Variants in RAB11FIP5 observed in about 807,000 individuals in gnomAD.
The protein encoded by RAB11FIP5 is RAB11 family interacting protein 5.
A neutral mutation model predicts 85.1 loss-of-function variants in RAB11FIP5; 48 were observed. That is an observed-to-expected ratio of 0.56 (90% CI 0.45 to 0.72). The LOEUF (loss-of-function observed/expected upper bound fraction) is 0.72, where lower values mean the gene tolerates loss of function less well. Among genes scored for constraint, RAB11FIP5 ranks in the 30% least tolerant of loss-of-function variants. The pLI is 0.00. For synonymous variants in RAB11FIP5, 729 were observed against 727.3 expected, an observed-to-expected ratio of 1.00 and a Z score of -0.04; for missense variants, 1,491 against 1,687.0, an observed-to-expected ratio of 0.88 and a Z score of 2.04.
At position 73,088,347 on chromosome 2, in the gene RAB11FIP5, TC is replaced by T. The variant is rs762617959; in HGVS notation, c.1270del (p.Glu424ArgfsTer17). On this transcript the variant is annotated frameshift_variant, in exon 3 of 6. Coordinates refer to ENST00000486777, the MANE Select transcript of RAB11FIP5 (RefSeq NM_001371272.1). LOFTEE classifies it high-confidence loss of function. ...CTTGCCCTCTGGTAGCCGGGCCCCCTCCTCCTCTCCAGGGTGGCTGGCCCCA... is the reference window on the plus strand; with the variant it reads ...CTTGCCCTCTGGTAGCCGGGCCCCCTCTCCTCTCCAGGGTGGCTGGCCCCA... ...APGASHPGEE[E>X]GARLPEGKPV... The T allele has an allele frequency of 6.2e-7, 1 of 1,613,296 alleles. No individual in the cohort carries two copies. Among genetic ancestry groups the T allele is most frequent in the South Asian group, 1.1e-5 (1 of 91,054 alleles).
chr2:73,105,905 T>A (rs1266734225), intron 1 of RAB11FIP5, among the ~76,000 whole-genome samples: 1 of 152,138 alleles, frequency 6.6e-6, no homozygotes, highest in African/African-American at 2.4e-5. Flanking sequence ...TTGTGCCATG[T>A]GCTGTGGTCA....
At chr2:73,094,544 C>T (rs1173100307) in intron 1 of RAB11FIP5, among the ~76,000 whole-genome samples, 6 of 152,164 alleles carry the variant, frequency 3.9e-5, no homozygotes, top group South Asian at 2.1e-4. Context: ...TAGAAGGTCC[C>T]GGCCTGGTTA....
At chr2:73,093,863 G>A (rs1052821046) in intron 1 of RAB11FIP5, among the ~76,000 whole-genome samples, 1 of 152,218 alleles carries the variant, frequency 6.6e-6, no homozygotes, top group African/African-American at 2.4e-5. Flanking sequence ...GCTCATGCCT[G>A]CAATCCCAGC....
chr2:73,097,865 C>T (rs1288990432), intron 1 of RAB11FIP5, among the ~76,000 whole-genome samples: 1 of 152,208 alleles, frequency 6.6e-6, no homozygotes, highest in African/African-American at 2.4e-5. Flanking sequence ...GCTTTGTGAA[C>T]AGAGGAGTCA....
Position 73,079,655 on chromosome 2 carries a change from C to A in RAB11FIP5, c.3577G>T (p.Ala1193Ser). Residue 1193 changes from alanine (A) to serine (S), a missense_variant, in exon 4 of 6, where the codon GCC becomes TCC. Physicochemically the swap from Ala to Ser is moderately conservative, Grantham distance 99. Around this residue, in one of 3 missense-constraint regions of RAB11FIP5, gnomAD observed 232 missense variants for 259.1 expected, o/e 0.90. Transcript: ENST00000486777. ...GTTCTGGGGGTGGATGCTCACCTGG[C>A]ACTGGGCTGTGGCTCCTCAGCTGGT... ...TRPAEEPQPS[A>S]SPHPVKPLSA... 8.1e-7 allele frequency: 1 copy of A among 1,233,284 alleles called. No individual in the cohort carries two copies. The highest frequency in any genetic ancestry group is 1.0e-6 in the Non-Finnish European group (1 of 988,820). The allele number at this position is 1,233,284 out of a possible 1,614,324, so 76.4% of individuals were successfully genotyped here. A position where few individuals can be genotyped will look rare whatever the true frequency, so the allele number is the denominator to read the frequency against.
chr2:73,111,852 G>T (rs901399484), intron 1 of RAB11FIP5, among the ~76,000 whole-genome samples: 2 of 152,168 alleles, frequency 1.3e-5, no homozygotes, highest in East Asian at 3.9e-4. Flanking sequence ...CAGCTTCTAC[G>T]TTTAGCGGGG....
chr2:73,101,274 T>C (rs1684424988), intron 1 of RAB11FIP5, among the ~76,000 whole-genome samples: 1 of 151,400 alleles, frequency 6.6e-6, no homozygotes, highest in Non-Finnish European at 1.5e-5. Context: ...GCCTGGTTCC[T>C]CACCAGGTGA....
At position 73,088,192 on chromosome 2, in the gene RAB11FIP5, C is replaced by A. The variant is rs756977990; in HGVS notation, c.1426G>T (p.Glu476Ter). ...HHHHQGLSRS[E>*]LGRRSSLGEK... ...CCCAGAGAGCTTCGGCGACCCAACT[C>A]GCTCCGACTTAGGCCTTGGTGGTGG... is the stretch of plus-strand genomic sequence containing the variant. The change falls in exon 3 of 6, where the codon GAG (glutamate) becomes TAG (stop). Residue 476 changes from glutamate to a stop codon, truncating the protein, a stop_gained. Coordinates refer to ENST00000486777, the MANE Select transcript of RAB11FIP5 (RefSeq NM_001371272.1). LOFTEE classifies it high-confidence loss of function. The A allele has an allele frequency of 6.2e-7, 1 of 1,614,032 alleles. No homozygotes were observed. The highest frequency in any genetic ancestry group is 8.5e-7 in the Non-Finnish European group (1 of 1,180,032).
chr2:73,112,613 G>A lies in RAB11FIP5; in HGVS notation c.165C>T (p.Tyr55=). ...GCGTCTTCTCCACCACCGACGTACT[G>A]TACTTCTCGCGGCCCACCTGGATCA... The part of the protein sequence containing the change: ...YTVIQVGREK[Y]STSVVEKTHG... The change falls in exon 1 of 6, where the codon TAC becomes TAT. Residue 55 remains tyrosine, a synonymous_variant. Coordinates refer to ENST00000486777, the MANE Select transcript of RAB11FIP5 (RefSeq NM_001371272.1). 2 of 1,602,268 alleles carry A rather than the reference G, an allele frequency of 1.2e-6. No homozygotes were observed. Among genetic ancestry groups the A allele is most frequent in the South Asian group, 1.1e-5 (1 of 89,114 alleles).
intron 1 of RAB11FIP5, among the ~76,000 whole-genome samples, chr2:73,093,297 C>A (rs1170723611): frequency 6.6e-6 from 1 of 152,144 alleles, no homozygotes; most frequent in Non-Finnish European, 1.5e-5. Context: ...ATCCTGCTGG[C>A]CTGGCCCAGT....
intron 1 of RAB11FIP5, among the ~76,000 whole-genome samples, chr2:73,094,028 T>C (rs1359880806): frequency 1.4e-5 from 2 of 147,938 alleles, no homozygotes; most frequent in African/African-American, 5.0e-5. Context: ...AGCTGAGGCA[T>C]GAGAATCACT....
At chr2:73,079,196 T>A (rs1406937231) in intron 4 of RAB11FIP5, among the ~76,000 whole-genome samples, 3 of 152,142 alleles carry the variant, frequency 2.0e-5, no homozygotes, top group Non-Finnish European at 2.9e-5. Flanking sequence ...AATAGGAAAC[T>A]GCTCAAGGCT....
chr2:73,082,426 C>T (rs564045967), intron 3 of RAB11FIP5, among the ~76,000 whole-genome samples: 10 of 152,232 alleles, frequency 6.6e-5, no homozygotes, highest in Non-Finnish European at 1.5e-4. Flanking sequence ...CCTAGCAGGG[C>T]ACCTAGAATT....
chr2:73,108,254 C>T (rs1029183967), intron 1 of RAB11FIP5, among the ~76,000 whole-genome samples: 7 of 152,214 alleles, frequency 4.6e-5, no homozygotes, highest in Non-Finnish European at 8.8e-5. Flanking sequence ...AAACTGATCC[C>T]AACCCAAGCT....
chr2:73,094,588 C>T (rs1684282520), intron 1 of RAB11FIP5, among the ~76,000 whole-genome samples: 3 of 152,162 alleles, frequency 2.0e-5, no homozygotes. Context: ...GGGTGGGGCC[C>T]CACAGGTGAG....
chr2:73,107,564 T>C (rs1263918022), intron 1 of RAB11FIP5, among the ~76,000 whole-genome samples: 1 of 151,832 alleles, frequency 6.6e-6, no homozygotes, highest in East Asian at 1.9e-4. Flanking sequence ...CAGGGGCAGA[T>C]GGGGAGGGCA....
chr2:73,083,020 G>A (rs1684019479), intron 3 of RAB11FIP5, among the ~76,000 whole-genome samples: 1 of 152,200 alleles, frequency 6.6e-6, no homozygotes. Context: ...CCTGTTCCTT[G>A]GCTCCTGCCT....
Position 73,075,023 on chromosome 2 carries a change from C to A in RAB11FIP5, c.*498G>T. Reference sequence around the variant, plus strand: ...GGTGTGAGGCTGAAGAGGCTGGTTGCCCGTAACTCACAGACAAACAGGCAG... The same window carrying A: ...GGTGTGAGGCTGAAGAGGCTGGTTGACCGTAACTCACAGACAAACAGGCAG... On this transcript the variant is annotated 3_prime_UTR_variant, in exon 6 of 6. Transcript: ENST00000486777. This position sits in a 1 kb window ranked among gnomAD's most constrained non-coding sequence, Gnocchi z 4.6. 1 of 357,400 alleles carries A rather than the reference C, an allele frequency of 2.8e-6. No homozygotes were observed. Among genetic ancestry groups the A allele is most frequent in the South Asian group, 2.1e-5 (1 of 46,746 alleles). 22.1% of individuals were successfully genotyped at this position (357,400 alleles called of 1,614,324 possible). A position where few individuals can be genotyped will look rare whatever the true frequency, so the allele number is the denominator to read the frequency against.
chr2:73,108,306 C>T (rs989507710), intron 1 of RAB11FIP5, among the ~76,000 whole-genome samples: 11 of 152,180 alleles, frequency 7.2e-5, no homozygotes, highest in African/African-American at 2.7e-4. Flanking sequence ...AGCTTCTAAC[C>T]ATTGATCCAA....
Sources: gnomAD v4.1 joint callset for allele counts (sites outside exome capture counted in the v4.1 genomes callset) on GRCh38, gnomAD v4.1.1 for gene constraint, gnomAD v4.1.1 regional missense constraint, Gnocchi (gnomAD v3.1) non-coding constraint, MANE v1.5 for transcripts, NCBI Gene and HGNC (gene_info 2026-07-23, HGNC 2026-07-21) for gene names.